Variants in POC1B observed in about 807,000 individuals in gnomAD.
POC1B encodes POC1 centriolar protein homolog B.
A neutral mutation model predicts 60.6 loss-of-function variants in POC1B; 44 were observed. That is an observed-to-expected ratio of 0.73 (90% confidence interval 0.57 to 0.93). The LOEUF is 0.93. POC1B is among the 40% of genes least tolerant of loss of function. The pLI, the probability that POC1B is intolerant of heterozygous loss-of-function variation, is 0.00. For missense variants in POC1B, 555 were observed against 572.3 expected, an observed-to-expected ratio of 0.97 and a Z score of 0.31; for synonymous variants, 180 against 198.9, an observed-to-expected ratio of 0.90 and a Z score of 0.80.
chr12:89,427,219 T>C (rs1427455741), intron 10 of POC1B: 5 of 152,122 alleles, frequency 3.3e-5, no homozygotes, highest in African/African-American at 1.2e-4. Context: ...GAAACAAAAC[T>C]GAGAGTGCAG....
At chr12:89,451,970 T>C (rs1054062634) in intron 10 of POC1B, among the ~76,000 whole-genome samples, 10 of 152,204 alleles carry the variant, frequency 6.6e-5, no homozygotes, top group African/African-American at 2.4e-4. Context: ...CATTATGGGC[T>C]GACAGTCCAG....
chr12:89,499,928 G>C (rs1018491572), intron 2 of POC1B, among the ~76,000 whole-genome samples: 2 of 152,240 alleles, frequency 1.3e-5, no homozygotes, highest in East Asian at 3.8e-4. Flanking sequence ...GTTGGCGCAC[G>C]CCTTCCAGAT....
chr12:89,494,783 T>C (rs964465177), intron 3 of POC1B, among the ~76,000 whole-genome samples: 7 of 152,150 alleles, frequency 4.6e-5, no homozygotes, highest in African/African-American at 1.2e-4. Context: ...AGACGGCACA[T>C]GGAGAACCAA....
At chr12:89,496,639 G>A (rs572109784) in intron 3 of POC1B, among the ~76,000 whole-genome samples, 14 of 152,222 alleles carry the variant, frequency 9.2e-5, no homozygotes, top group South Asian at 4.2e-4. Context: ...GAAAAGTCTC[G>A]TTACAGAGAT....
chr12:89,439,027 C>T (rs1298745559), intron 10 of POC1B, among the ~76,000 whole-genome samples: 1 of 152,216 alleles, frequency 6.6e-6, no homozygotes, highest in Middle Eastern at 3.2e-3. Flanking sequence ...TGCTAACCCA[C>T]TTCTTACCCC....
chr12:89,444,186 G>C (rs1308243334), intron 10 of POC1B, among the ~76,000 whole-genome samples: 1 of 152,172 alleles, frequency 6.6e-6, no homozygotes, highest in East Asian at 1.9e-4. Context: ...ACAAAAAGGA[G>C]CTGGTACCAT....
At chr12:89,453,777 C>T (rs1436793720) in intron 10 of POC1B, among the ~76,000 whole-genome samples, 1 of 152,190 alleles carries the variant, frequency 6.6e-6, no homozygotes, top group Non-Finnish European at 1.5e-5. Context: ...GAACTAGTTA[C>T]TCAATGTTGT....
chr12:89,522,908 GAC>G (rs746066862), intron 2 of POC1B: 1 of 1,614,030 alleles, frequency 6.2e-7, no homozygotes, highest in South Asian at 1.1e-5. Context: ...TAAGCACTAA[GAC>G]ACAGTCCTGA....
chr12:89,506,189 C>T (rs1869887023), intron 2 of POC1B, among the ~76,000 whole-genome samples: 1 of 152,126 alleles, frequency 6.6e-6, no homozygotes, highest in African/African-American at 2.4e-5. Context: ...AAAAGAACAC[C>T]CTGTGAAATT....
intron 10 of POC1B, among the ~76,000 whole-genome samples, chr12:89,430,551 A>C (rs1185431240): frequency 1.3e-5 from 2 of 152,198 alleles, no homozygotes; most frequent in Non-Finnish European, 2.9e-5. Context: ...TTCATACATT[A>C]TATCTACTCC....
At chr12:89,472,005 T>A (rs1882918769) in intron 5 of POC1B, among the ~76,000 whole-genome samples, 163 bp downstream of exon 5, 1 of 152,128 alleles carries the variant, frequency 6.6e-6, no homozygotes, top group South Asian at 2.1e-4. Flanking sequence ...TGACCTCAGG[T>A]GATCCGCCTG....
At position 89,497,323 on chromosome 12, in the gene POC1B, G is replaced by C. The variant is rs145182515; in HGVS notation, c.120C>G (p.Thr40=). ...GCTTGAAATTCCATAGCATGAGAAAGGTATCCCAAGAAGCAGTAGCTATCA... is the reference window on the plus strand; with the variant it reads ...GCTTGAAATTCCATAGCATGAGAAACGTATCCCAAGAAGCAGTAGCTATCA... ...GKQLATASWD[T]FLMLWNFKPH... Residue 40 remains threonine (T), a synonymous_variant, in exon 3 of 12, where the codon ACC becomes ACG. Coordinates refer to ENST00000313546, the MANE Select transcript of POC1B (RefSeq NM_172240.3). 3 of 1,612,008 alleles carry C rather than the reference G, an allele frequency of 1.9e-6. No homozygotes were observed. The African/African-American group carries it at 4.0e-5, about 22-fold the overall frequency.
intron 4 of POC1B, among the ~76,000 whole-genome samples, chr12:89,478,719 T>C (rs1883210111): frequency 6.6e-6 from 1 of 152,304 alleles, no homozygotes; most frequent in African/African-American, 2.4e-5. Context: ...AAATGGTAAA[T>C]TTTGTTATAT....
intron 2 of POC1B, chr12:89,519,463 C>T (rs1363024833): frequency 6.6e-6 from 1 of 151,958 alleles, no homozygotes; most frequent in African/African-American, 2.4e-5. Context: ...ATCAACATTA[C>T]AAATACAAAA....
At chr12:89,457,334 ATTTTAT>A (rs1433420160) in intron 10 of POC1B, among the ~76,000 whole-genome samples, 1 of 152,218 alleles carries the variant, frequency 6.6e-6, no homozygotes, top group African/African-American at 2.4e-5. Context: ...TGAAAAAGTA[ATTTTAT>A]TTTAGTTTTC....
downstream of POC1B, among the ~76,000 whole-genome samples, chr12:89,416,163 G>A (rs1337098779): frequency 6.6e-6 from 1 of 152,210 alleles, no homozygotes; most frequent in African/African-American, 2.4e-5. Context: ...TGCCTTTTGG[G>A]TAGGTTAAGT....
chr12:89,418,412 C>A (rs941598205), downstream of POC1B, among the ~76,000 whole-genome samples: 2 of 152,182 alleles, frequency 1.3e-5, no homozygotes, highest in African/African-American at 2.4e-5. Flanking sequence ...GTGTTCTGTG[C>A]TGAAGAGCCA....
chr12:89,412,006 C>T, the POC1B span, among the ~76,000 whole-genome samples: 1 of 152,204 alleles, frequency 6.6e-6, no homozygotes, highest in Non-Finnish European at 1.5e-5. Flanking sequence ...GCAAAAGGCC[C>T]AGGCACTTCC....
chr12:89,418,201 T>C (rs1275236580), downstream of POC1B, among the ~76,000 whole-genome samples: 1 of 152,100 alleles, frequency 6.6e-6, no homozygotes, highest in African/African-American at 2.4e-5. Flanking sequence ...TTTAAGGCAT[T>C]GATGCCTGAG....
Sources: gnomAD v4.1 joint callset for allele counts (sites outside exome capture counted in the v4.1 genomes callset) on GRCh38, gnomAD v4.1.1 for gene constraint, MANE v1.5 for transcripts, NCBI Gene and HGNC (gene_info 2026-07-23, HGNC 2026-07-21) for gene names.